The following KIR3DL1 variants were observed in gnomAD, a reference collection of about 807,000 sequenced individuals.
The protein encoded by KIR3DL1 is killer cell immunoglobulin-like receptor 3DL1.
Under a neutral mutation model 40.3 loss-of-function variants are expected in KIR3DL1, and 50 were observed. The ratio of observed to expected loss-of-function variants is 1.24; its 90% confidence interval spans 0.99 to 1.57. KIR3DL1 has a LOEUF of 1.57. Ranked by LOEUF, KIR3DL1 falls within the 40% of genes most tolerant of loss-of-function variation. The pLI is 0.00. For synonymous variants in KIR3DL1, 257 were observed against 207.2 expected, an observed-to-expected ratio of 1.24 and a Z score of -2.07; for missense variants, 661 against 559.9, an observed-to-expected ratio of 1.18 and a Z score of -1.82.
rs547349070 is a variant in KIR3DL1 at position 54,824,012 on chromosome 19, T to C, written c.950-1016T>C. On this transcript the variant is annotated intron_variant, in intron 5 of 8. Coordinates refer to ENST00000391728, the Ensembl canonical transcript of KIR3DL1. ...AGTTATTAATCCCGTCTCAGATGAA[T>C]AGTTTGCAAATATTTGCTCCTATTT... Among the ~76,000 whole-genome samples the C allele has an allele frequency of 4.7e-4, 71 of 151,488 alleles. 1 individual carries two copies. Among genetic ancestry groups the C allele is most frequent in the African/African-American group, 1.6e-3 (66 of 41,066 alleles).
In KIR3DL1 at chr19:54,821,876, C is replaced by G. The variant is rs2061659755; in HGVS notation, c.949+18C>G. On this transcript the variant is annotated intron_variant, in intron 5 of 8. Coordinates refer to ENST00000391728, the Ensembl canonical transcript of KIR3DL1. ...TGTCACAGGTGAGAAAAGCCCATAT[C>G]TCTCTCATGTCCTATGATCCTAAAT... The G allele has an allele frequency of 3.1e-6, 5 of 1,594,606 alleles. 1 individual carries two copies. The highest frequency in any genetic ancestry group is 4.3e-6 in the Non-Finnish European group (5 of 1,168,264).
At chr19:54,828,673 G>A (rs1415228028) in intron 6 of KIR3DL1, among the ~76,000 whole-genome samples, 1 of 149,800 alleles carries the variant, frequency 6.7e-6, no homozygotes, top group Non-Finnish European at 1.5e-5. Flanking sequence ...GGAAGAACAG[G>A]AAGACAGCCC....
chr19:54,829,621 C>A (rs186787286), intron 7 of KIR3DL1, among the ~76,000 whole-genome samples, 156 bp downstream of exon 7: 1 of 139,636 alleles, frequency 7.2e-6, no homozygotes, highest in Non-Finnish European at 1.6e-5. Flanking sequence ...AGACTCCCTG[C>A]CCCTGCCTTC....
rs79211061 is a variant in KIR3DL1, at chr19:54,830,396, C to G, written c.*121C>G. On this transcript the variant is annotated 3_prime_UTR_variant, in exon 9 of 9. Transcript: ENST00000391728. The stretch of plus-strand genomic sequence containing the variant: ...GAAGGCGTGAGTCTTCATCTTAGGG[C>G]ATCGCTCCTCCTCACGCCACAAATC... 9 of 1,168,090 alleles carry G rather than the reference C, an allele frequency of 7.7e-6. No homozygotes were observed. The East Asian group carries it at 2.2e-4, about 29-fold the overall frequency. 72.4% of individuals were successfully genotyped at this position (1,168,090 alleles called of 1,614,324 possible). A position where few individuals can be genotyped will look rare whatever the true frequency, so the allele number is the denominator to read the frequency against.
intron 3 of KIR3DL1, among the ~76,000 whole-genome samples, chr19:54,819,264 G>GGAACCCAGGTCAAGGACAAGTTAA (rs2061510514): frequency 2.2e-5 from 3 of 136,118 alleles, no homozygotes; most frequent in Admixed American, 7.7e-5. Context: ...GGACAAGTTA[G>GGAACCCAGGTCAAGGACAAGTTAA]GAAACCAAAC....
chr19:54,818,415 T>C (rs2061461216), exon 3 of KIR3DL1: 1 of 1,607,358 alleles, frequency 6.2e-7, no homozygotes, highest in African/African-American at 1.4e-5. Context: ...GGTTTAACAA[T>C]TTCATGCTAT....
chr19:54,827,635 G>A (rs1244073254), intron 6 of KIR3DL1, among the ~76,000 whole-genome samples: 3 of 150,236 alleles, frequency 2.0e-5, no homozygotes, highest in Non-Finnish European at 4.4e-5. Flanking sequence ...AATAAGAAAT[G>A]CATAAATATA....
At chr19:54,830,256 A>G in exon 9 of KIR3DL1, 4 of 1,522,890 alleles carry the variant, frequency 2.6e-6, no homozygotes, top group East Asian at 2.3e-5. Context: ...CCCAGATCCA[A>G]AGTTGTCTCC....
rs2062097075 is a variant in KIR3DL1 at position 54,829,475 on chromosome 19, A to ACG, written c.1105+11_1105+12dup. 1.4e-6 allele frequency: 2 copies of ACG among 1,456,306 alleles called. No homozygotes were observed. The highest frequency in any genetic ancestry group is 2.8e-5 in the African/African-American group (2 of 70,496). 90.2% of individuals were successfully genotyped at this position (1,456,306 alleles called of 1,614,324 possible). On this transcript the variant is annotated intron_variant, in intron 7 of 8. Transcript: ENST00000391728. ...TGCTCCAACAAAAAAAGTAAGTCTCACGGGGCACAGGCCAGAGAGCTCAGG... is the reference window on the plus strand; with the variant it reads ...TGCTCCAACAAAAAAAGTAAGTCTCACGCGGGGCACAGGCCAGAGAGCTCAGG...
chr19:54,827,918 C>T lies in KIR3DL1; in HGVS notation c.1001-1443C>T, dbSNP rs546700467. The stretch of plus-strand genomic sequence containing the variant: ...CCCCCATCTCACCCCTACTTCCAAT[C>T]ACCTGTGGAAATACAGATAGATCAT... On this transcript the variant is annotated intron_variant, in intron 6 of 8. Coordinates refer to ENST00000391728, the Ensembl canonical transcript of KIR3DL1. Among the ~76,000 whole-genome samples, 10 of 150,208 alleles carry T rather than the reference C, an allele frequency of 6.7e-5. No individual in the cohort carries two copies. In the South Asian group the frequency reaches 1.9e-3, roughly 29 times the overall value.
intron 6 of KIR3DL1, among the ~76,000 whole-genome samples, chr19:54,826,917 T>C (rs199615745): frequency 2.6e-4 from 40 of 151,000 alleles, no homozygotes; most frequent in African/African-American, 8.8e-4. Flanking sequence ...CAACAAGGAG[T>C]GTGTGTTTGA....
chr19:54,817,105 AGCCTGGAAAGGAGATATGG>A (rs1432744776), intron 1 of KIR3DL1, among the ~76,000 whole-genome samples: 5 of 129,640 alleles, frequency 3.9e-5, no homozygotes, highest in African/African-American at 1.5e-4. Context: ...CAGACATACA[AGCCTGGAAAGGAGATATGG>A]GCCTGGAGAG....
chr19:54,829,200 G>T (rs1456992505), intron 6 of KIR3DL1, among the ~76,000 whole-genome samples, 161 bp from the exon 7 acceptor site: 2 of 142,632 alleles, frequency 1.4e-5, no homozygotes, highest in Non-Finnish European at 1.5e-5. Flanking sequence ...TACTATGAGA[G>T]CTATAACTGA....
chr19:54,824,505 C>T (rs1249659767), intron 5 of KIR3DL1, among the ~76,000 whole-genome samples: 2 of 151,208 alleles, frequency 1.3e-5, no homozygotes, highest in African/African-American at 2.4e-5. Flanking sequence ...AGTGAAACCT[C>T]GTCTCTACTA....
intron 6 of KIR3DL1, among the ~76,000 whole-genome samples, chr19:54,826,892 C>T (rs1241886324): frequency 1.3e-5 from 2 of 151,798 alleles, no homozygotes; most frequent in Non-Finnish European, 2.9e-5. Context: ...ACTGGGTACA[C>T]AGGAAACTAA....
At chr19:54,817,535 G>C in exon 2 of KIR3DL1, 1 of 1,511,656 alleles carries the variant, frequency 6.6e-7, no homozygotes, top group Non-Finnish European at 9.0e-7. Flanking sequence ...TCTTTCTAGG[G>C]TTGTTCTTGG....
At chr19:54,827,265 G>A (rs1388449461) in intron 6 of KIR3DL1, among the ~76,000 whole-genome samples, 1 of 151,468 alleles carries the variant, frequency 6.6e-6, no homozygotes, top group Non-Finnish European at 1.5e-5. Context: ...ACAGATATAT[G>A]AGGGGTGGTG....
chr19:54,826,081 T>C (rs661212), intron 6 of KIR3DL1, among the ~76,000 whole-genome samples: 28,709 of 138,260 alleles, frequency 0.21, 3,240 homozygotes, highest in South Asian at 0.36. Context: ...CTTCATTCCT[T>C]CTTTCCATGT....
At chr19:54,829,653 T>A (rs1429067202) in intron 7 of KIR3DL1, among the ~76,000 whole-genome samples, 188 bp downstream of exon 7, 2 of 142,250 alleles carry the variant, frequency 1.4e-5, no homozygotes, top group Non-Finnish European at 3.1e-5. Context: ...CGTTGCCTGA[T>A]TCTGAACTGT....
Sources: gnomAD v4.1 joint callset for allele counts (sites outside exome capture counted in the v4.1 genomes callset) on GRCh38, gnomAD v4.1.1 for gene constraint, MANE v1.5 for transcripts, NCBI Gene and HGNC (gene_info 2026-07-23, HGNC 2026-07-21) for gene names.